The following DNAJC16 variants were observed in gnomAD, a reference collection of about 807,000 sequenced individuals.
DNAJC16 encodes the protein dnaJ homolog subfamily C member 16.
In DNAJC16, 76 loss-of-function variants were observed where a neutral mutation model predicts 92.7. That is an observed-to-expected ratio of 0.82 (90% CI 0.68 to 0.99). DNAJC16 has a LOEUF of 0.99. Ranked by LOEUF, DNAJC16 falls within the 50% of genes least tolerant of loss-of-function variation. The pLI is 0.00. For missense variants in DNAJC16, 869 were observed against 942.4 expected (o/e 0.92, Z 1.02); for synonymous variants, 328 against 358.7 (o/e 0.91, Z 0.97).
chr1:15,544,881 A>C (rs77937534), intron 5 of DNAJC16, among the ~76,000 whole-genome samples: 4,837 of 147,124 alleles, frequency 0.033, 116 homozygotes, highest in Admixed American at 0.073. Context: ...CCTATTTTCT[A>C]AACAAAAAAA....
chr1:15,565,555 G>T, intron 11 of DNAJC16: 1 of 227,958 alleles, frequency 4.4e-6, no homozygotes, highest in East Asian at 1.4e-4. Flanking sequence ...AATTTTTCTG[G>T]CCAGAAAAAA....
At chr1:15,536,413 T>C (rs910545758) in intron 3 of DNAJC16, 62 bp from the exon 4 acceptor site, 92 of 1,371,096 alleles carry the variant, frequency 6.7e-5, no homozygotes, top group Non-Finnish European at 7.9e-5. Context: ...TTCAAGCTGC[T>C]TACAAAAAAG....
intron 2 of DNAJC16, 133 bp from the exon 3 acceptor site, chr1:15,534,104 A>G (rs1031729413): frequency 2.5e-5 from 20 of 804,874 alleles, no homozygotes; most frequent in Non-Finnish European, 3.6e-5. Flanking sequence ...TGCCTCTATC[A>G]TTTATTTTAA....
chr1:15,567,106 C>G lies in DNAJC16; in HGVS notation c.1786C>G (p.Pro596Ala). 6.2e-7 allele frequency: 1 copy of G among 1,606,914 alleles called. No homozygotes were observed. Among genetic ancestry groups the G allele is most frequent in the Non-Finnish European group, 8.5e-7 (1 of 1,173,910 alleles). ...CTCAATATTTCTCCACAGCAAGATT[C>G]CTAAAAAAGGCTTTGTGGAGGTAAC... ...SFTKENSSKIPKKGFVEVTEL... is the reference protein window; with the variant it reads ...SFTKENSSKIAKKGFVEVTEL... Residue 596 changes from proline to alanine, a missense_variant, in exon 14 of 15, where the codon CCT becomes GCT. Physicochemically the swap from Pro to Ala is conservative, Grantham distance 27. Transcript: ENST00000375847.
chr1:15,538,515 C>A (rs111678778), intron 4 of DNAJC16, among the ~76,000 whole-genome samples: 1 of 152,080 alleles, frequency 6.6e-6, no homozygotes. Flanking sequence ...GTCAGTAGTT[C>A]GAGACCAGCC....
intron 2 of DNAJC16, among the ~76,000 whole-genome samples, chr1:15,532,786 G>T (rs546961136): frequency 9.2e-5 from 14 of 151,972 alleles, no homozygotes; most frequent in South Asian, 8.3e-4. Context: ...GACTAGCTGA[G>T]ATTTTTTTCC....
intron 8 of DNAJC16, 116 bp downstream of exon 8, chr1:15,559,772 A>G (rs1638651088): frequency 2.1e-6 from 3 of 1,429,326 alleles, no homozygotes; most frequent in Non-Finnish European, 2.8e-6. Flanking sequence ...TCTTCATTTA[A>G]CAAATACTGG....
Position 15,568,511 on chromosome 1 carries a change from C to T in DNAJC16, c.*334C>T. 2.2e-6 allele frequency: 1 copy of T among 445,044 alleles called. No individual in the cohort carries two copies. The highest frequency in any genetic ancestry group is 3.9e-6 in the Non-Finnish European group (1 of 253,672). The allele number at this position is 445,044 out of a possible 1,614,324, so 27.6% of individuals were successfully genotyped here. On this transcript the variant is annotated 3_prime_UTR_variant, in exon 15 of 15. Transcript: ENST00000375847. ...TCCTGTCCTGTGTCTTGGAGAAGCA[C>T]AGGGCTCCACCCTGCAAGCGGCATC...
At chr1:15,558,992 T>C (rs1638630603) in intron 7 of DNAJC16, among the ~76,000 whole-genome samples, 1 of 152,222 alleles carries the variant, frequency 6.6e-6, no homozygotes, top group South Asian at 2.1e-4. Flanking sequence ...CAGGCTAAAG[T>C]GCAGTGGCGT....
chr1:15,550,135 A>G lies in DNAJC16; in HGVS notation c.1023+1707A>G, dbSNP rs79942051. 1.3e-4 allele frequency among the ~76,000 whole-genome samples: 20 copies of G among 152,316 alleles called. No individual in the cohort carries two copies. The East Asian group carries it at 3.9e-3, about 29-fold the overall frequency. On this transcript the variant is annotated intron_variant, in intron 7 of 14. Transcript: ENST00000375847. ...AGAACAGCCACCGGCACACAAGACAAGGGGGTGCCTGATGGAGACGAGAAG... is the reference window on the plus strand; with the variant it reads ...AGAACAGCCACCGGCACACAAGACAGGGGGGTGCCTGATGGAGACGAGAAG...
rs771010705 is a variant in DNAJC16 at position 15,566,099 on chromosome 1, G to A, written c.1697G>A (p.Arg566Gln). 1.6e-5 allele frequency: 26 copies of A among 1,613,696 alleles called. No homozygotes were observed. The highest frequency in any genetic ancestry group is 1.6e-4 in the East Asian group (7 of 44,886). Residue 566 changes from arginine to glutamine, a missense_variant, in exon 13 of 15, where the codon CGA becomes CAA. Transcript: ENST00000375847. ...TACTTTAGCGACTCTAATGATGAGC[G>A]AGAGTCAAGCCCTCCAGAAAAAGAG... Reference protein sequence around the residue: ...VQAFSDSNDERESSPPEKEEA... With the variant: ...VQAFSDSNDEQESSPPEKEEA...
At chr1:15,543,078 G>A (rs1378154665) in intron 4 of DNAJC16, among the ~76,000 whole-genome samples, 1 of 152,204 alleles carries the variant, frequency 6.6e-6, no homozygotes, top group Non-Finnish European at 1.5e-5. Context: ...TATGTGCCAG[G>A]CTCTGGTCTG....
In DNAJC16 at chr1:15,564,925, C is replaced by A. The variant is rs890822200; in HGVS notation, c.1598+566C>A. Among the ~76,000 whole-genome samples, 3 of 151,972 alleles carry A rather than the reference C, an allele frequency of 2.0e-5. No homozygotes were observed. In the East Asian group the frequency reaches 5.8e-4, roughly 29 times the overall value. On this transcript the variant is annotated intron_variant, in intron 11 of 14. Transcript: ENST00000375847. Reference sequence around the variant, plus strand: ...TCTCAGCTCACTGCAACCTCTGCCTCCCAGGTTCAAGCGATTCTCCTGTCT... The same window carrying A: ...TCTCAGCTCACTGCAACCTCTGCCTACCAGGTTCAAGCGATTCTCCTGTCT...
At chr1:15,534,124 C>A in intron 2 of DNAJC16, 113 bp from the exon 3 acceptor site, 1 of 969,014 alleles carries the variant, frequency 1.0e-6, no homozygotes, top group Non-Finnish European at 1.5e-6. Context: ...AGAAACTTTC[C>A]TAACAAAATA....
At chr1:15,565,820 G>GGT (rs1638793238) in intron 11 of DNAJC16, 99 bp from the exon 12 acceptor site, 9 of 1,149,084 alleles carry the variant, frequency 7.8e-6, no homozygotes, top group Admixed American at 3.9e-5. Flanking sequence ...AGCGTTTATT[G>GGT]GTGTGAAGAG....
chr1:15,544,629 GTACC>G, intron 5 of DNAJC16, 46 bp downstream of exon 5: 1 of 1,593,308 alleles, frequency 6.3e-7, no homozygotes, highest in Non-Finnish European at 8.6e-7. Context: ...AGTTTAAGAG[GTACC>G]TAGGACTGTT....
intron 4 of DNAJC16, among the ~76,000 whole-genome samples, chr1:15,540,178 T>A (rs1191014640): frequency 2.0e-5 from 3 of 151,790 alleles, no homozygotes; most frequent in African/African-American, 7.3e-5. Context: ...ATACAAAAAT[T>A]AACTGGGCAT....
At chr1:15,558,290 TC>T (rs1310739040) in intron 7 of DNAJC16, among the ~76,000 whole-genome samples, 1 of 147,548 alleles carries the variant, frequency 6.8e-6, no homozygotes, top group African/African-American at 2.5e-5. Flanking sequence ...CAAGCAGTCC[TC>T]CCACCTCCAC....
At chr1:15,544,641 G>T in intron 5 of DNAJC16, 58 bp downstream of exon 5, 1 of 1,547,770 alleles carries the variant, frequency 6.5e-7, no homozygotes, top group Non-Finnish European at 8.8e-7. Flanking sequence ...ACCTAGGACT[G>T]TTAATTGCCC....
Sources: gnomAD v4.1 joint callset for allele counts (sites outside exome capture counted in the v4.1 genomes callset) on GRCh38, gnomAD v4.1.1 for gene constraint, MANE v1.5 for transcripts, NCBI Gene and HGNC (gene_info 2026-07-23, HGNC 2026-07-21) for gene names.